Variants in SPSB4 observed in about 807,000 individuals in gnomAD.
SPSB4 encodes the protein splA/ryanodine receptor domain and SOCS box containing 4.
A neutral mutation model predicts 20.9 loss-of-function variants in SPSB4; 21 were observed. The observed-to-expected ratio is 1.01, with a 90% CI of 0.71 to 1.45. SPSB4 has a LOEUF of 1.45. SPSB4 is among the 40% of genes most tolerant of loss of function. SPSB4 has a pLI of 0.00. For synonymous variants in SPSB4, 207 were observed against 183.8 expected (o/e 1.13, Z -1.02); for missense variants, 399 against 399.2 (o/e 1.00, Z 0.00).
chr3:141,140,239 T>C (rs1299513335), intron 2 of SPSB4, among the ~76,000 whole-genome samples: 6 of 150,424 alleles, frequency 4.0e-5, no homozygotes, highest in Admixed American at 3.3e-4. Flanking sequence ...ATTCGTCTAA[T>C]TTTTTTTCAA....
chr3:141,090,781 T>G (rs1938437486), intron 2 of SPSB4, among the ~76,000 whole-genome samples: 2 of 152,160 alleles, frequency 1.3e-5, no homozygotes, highest in South Asian at 2.1e-4. Context: ...AAGGATCACT[T>G]TAACTGCAAT....
At chr3:141,095,644 G>T (rs1359153257) in intron 2 of SPSB4, among the ~76,000 whole-genome samples, 1 of 152,172 alleles carries the variant, frequency 6.6e-6, no homozygotes, top group African/African-American at 2.4e-5. Context: ...AAGCTGCCAG[G>T]ACCTGGACCC....
At chr3:141,140,842 T>A (rs1465083359) in intron 2 of SPSB4, among the ~76,000 whole-genome samples, 2 of 152,208 alleles carry the variant, frequency 1.3e-5, no homozygotes, top group Admixed American at 6.5e-5. Context: ...GGAGAACCAC[T>A]ACTCTCTTCA....
At chr3:141,116,673 T>G (rs1369337304) in intron 2 of SPSB4, among the ~76,000 whole-genome samples, 2 of 152,198 alleles carry the variant, frequency 1.3e-5, no homozygotes, top group African/African-American at 4.8e-5. Context: ...CCTCATTGGG[T>G]TGTTATGAGG....
At chr3:141,088,065 G>T (rs1354490391) in intron 2 of SPSB4, among the ~76,000 whole-genome samples, 1 of 152,104 alleles carries the variant, frequency 6.6e-6, no homozygotes, top group Non-Finnish European at 1.5e-5. Context: ...GTGCTGTGGG[G>T]TGGGGAATGG....
intron 2 of SPSB4, among the ~76,000 whole-genome samples, chr3:141,140,525 C>T (rs1939307051): frequency 6.6e-6 from 1 of 152,172 alleles, no homozygotes; most frequent in Non-Finnish European, 1.5e-5. Flanking sequence ...GATGTCCTTT[C>T]TCTTTGTTAG....
chr3:141,094,626 T>TA (rs1321172064), intron 2 of SPSB4, among the ~76,000 whole-genome samples: 1 of 152,126 alleles, frequency 6.6e-6, no homozygotes, highest in Non-Finnish European at 1.5e-5. Context: ...GGCCTTTTTT[T>TA]AACCACCCCC....
intron 2 of SPSB4, among the ~76,000 whole-genome samples, chr3:141,142,003 GT>G (rs1576545248): frequency 1.3e-5 from 2 of 151,942 alleles, no homozygotes; most frequent in African/African-American, 4.8e-5. Context: ...CTGGCTTTTT[GT>G]TTTATTTATC....
chr3:141,132,663 T>C (rs946243765), intron 2 of SPSB4, among the ~76,000 whole-genome samples: 6 of 151,980 alleles, frequency 3.9e-5, no homozygotes, highest in African/African-American at 1.4e-4. Context: ...TATATATATA[T>C]ATATATATTA....
At chr3:141,065,015 G>T (rs751698205) in intron 1 of SPSB4, among the ~76,000 whole-genome samples, 1 of 152,144 alleles carries the variant, frequency 6.6e-6, no homozygotes, top group Non-Finnish European at 1.5e-5. Flanking sequence ...AAAACCTGTC[G>T]GCAGAGTTCC....
intron 2 of SPSB4, among the ~76,000 whole-genome samples, chr3:141,094,834 C>T (rs1938518862): frequency 7.7e-6 from 1 of 130,568 alleles, no homozygotes; most frequent in Non-Finnish European, 1.6e-5. Flanking sequence ...GGTTGGTGTA[C>T]ACATTCTCCA....
Position 141,066,738 on chromosome 3 carries a change from G to T in SPSB4, c.634G>T (p.Val212Leu). ...TCTCAAGGGCAAGAAGCTGTACCCG[G>T]TGGTGAGTGCCGTGTGGGGCCACTG... is the stretch of plus-strand genomic sequence containing the variant. Reference protein sequence around the residue: ...RGLKGKKLYPVVSAVWGHCEV... With the variant: ...RGLKGKKLYPLVSAVWGHCEV... The change falls in exon 2 of 3, where the codon GTG becomes TTG. Residue 212 changes from valine to leucine, a missense_variant. Physicochemically the swap from Val to Leu is conservative, Grantham distance 32. Transcript: ENST00000310546. 4.4e-6 allele frequency: 7 copies of T among 1,603,708 alleles called. No homozygotes were observed. Among genetic ancestry groups the T allele is most frequent in the Non-Finnish European group, 6.0e-6 (7 of 1,174,764 alleles).
chr3:141,110,016 T>C (rs1938770135), intron 2 of SPSB4, among the ~76,000 whole-genome samples: 1 of 152,174 alleles, frequency 6.6e-6, no homozygotes, highest in Non-Finnish European at 1.5e-5. Flanking sequence ...GAGGGAGAAA[T>C]GGTGCCTCCT....
At chr3:141,092,370 C>A (rs115404874) in intron 2 of SPSB4, among the ~76,000 whole-genome samples, 245 of 152,362 alleles carry the variant, frequency 1.6e-3, no homozygotes, top group Non-Finnish European at 2.3e-3. Context: ...AATCAAACTA[C>A]ATTCAACCAA....
At chr3:141,125,265 T>G (rs1465673396) in intron 2 of SPSB4, among the ~76,000 whole-genome samples, 1 of 152,178 alleles carries the variant, frequency 6.6e-6, no homozygotes, top group East Asian at 1.9e-4. Context: ...CAGAGCGATA[T>G]TTTTCTTTCT....
chr3:141,141,028 T>G (rs1217895603), intron 2 of SPSB4, among the ~76,000 whole-genome samples: 45 of 152,212 alleles, frequency 3.0e-4, no homozygotes, highest in Admixed American at 2.9e-3. Context: ...GCCTGAGCAA[T>G]GGTGGGCACC....
Position 141,066,102 on chromosome 3 carries a change from A to G in SPSB4, c.-3A>G. 1 of 1,517,286 alleles carries G rather than the reference A, an allele frequency of 6.6e-7. No individual in the cohort carries two copies. Among genetic ancestry groups the G allele is most frequent in the Non-Finnish European group, 8.8e-7 (1 of 1,138,264 alleles). The allele number at this position is 1,517,286 out of a possible 1,614,324, so 94.0% of individuals were successfully genotyped here. A position where few individuals can be genotyped will look rare whatever the true frequency, so the allele number is the denominator to read the frequency against. On this transcript the variant is annotated 5_prime_UTR_variant, in exon 2 of 3. Transcript: ENST00000310546. The stretch of plus-strand genomic sequence containing the variant: ...TGCAGCGGCCTCCTCCCCGCAGTGA[A>G]GCATGGGCCAGAAGCTCTCGGGGAG...
intron 1 of SPSB4, among the ~76,000 whole-genome samples, chr3:141,056,828 G>A (rs989369092): frequency 1.4e-4 from 21 of 152,340 alleles, no homozygotes; most frequent in African/African-American, 3.4e-4. Flanking sequence ...TGTGGTGACC[G>A]GGCTGGCCCG....
intron 2 of SPSB4, among the ~76,000 whole-genome samples, chr3:141,134,046 T>TTC: frequency 3.1e-5 from 4 of 128,324 alleles, no homozygotes; most frequent in African/African-American, 1.2e-4. Flanking sequence ...TTTTTTTTTT[T>TTC]TTCTTTTTTC....
Sources: gnomAD v4.1 joint callset for allele counts (sites outside exome capture counted in the v4.1 genomes callset) on GRCh38, gnomAD v4.1.1 for gene constraint, MANE v1.5 for transcripts, NCBI Gene and HGNC (gene_info 2026-07-23, HGNC 2026-07-21) for gene names.